AGBL1: variants seen among roughly 807,000 people sequenced by gnomAD.
AGBL1 encodes the protein cytosolic carboxypeptidase 4.
A neutral mutation model predicts 118.9 loss-of-function variants in AGBL1; 130 were observed. The observed-to-expected ratio is 1.09, with a 90% confidence interval of 0.95 to 1.26. AGBL1 has a LOEUF of 1.26. Among genes scored for constraint, AGBL1 ranks in the 50% most tolerant of loss-of-function variants. The pLI, the probability that AGBL1 is intolerant of heterozygous loss-of-function variation, is 0.00. For missense variants in AGBL1, 1,584 were observed against 1,298.1 expected (o/e 1.22, Z -3.38); for synonymous variants, 555 against 478.9 (o/e 1.16, Z -2.08).
At chr15:86,636,595 TTCA>T (rs1328360263) in intron 21 of AGBL1, among the ~76,000 whole-genome samples, 2 of 148,124 alleles carry the variant, frequency 1.4e-5, no homozygotes, top group African/African-American at 4.9e-5. Flanking sequence ...TTAAAACAAA[TTCA>T]TCACATCCTC....
intron 22 of AGBL1, among the ~76,000 whole-genome samples, chr15:86,827,516 T>C (rs1268854923): frequency 5.3e-5 from 4 of 74,986 alleles, no homozygotes; most frequent in African/African-American, 8.5e-5. Context: ...TATATATATA[T>C]ATATAGCCTG....
At chr15:86,892,720 T>C (rs1293897617) in intron 22 of AGBL1, among the ~76,000 whole-genome samples, 2 of 152,142 alleles carry the variant, frequency 1.3e-5, no homozygotes, top group Non-Finnish European at 2.9e-5. Flanking sequence ...CTCTTCTCTA[T>C]ACATAGAAAA....
At chr15:86,878,811 C>T (rs867975487) in intron 22 of AGBL1, among the ~76,000 whole-genome samples, 2 of 152,360 alleles carry the variant, frequency 1.3e-5, no homozygotes, top group Middle Eastern at 6.8e-3. Flanking sequence ...CCTGGTCTTC[C>T]TCCCATAACC....
chr15:86,474,641 C>T (rs1269727746), intron 18 of AGBL1, among the ~76,000 whole-genome samples: 1 of 152,208 alleles, frequency 6.6e-6, no homozygotes, highest in Admixed American at 6.5e-5. Flanking sequence ...TAGGCTCCAC[C>T]TCTGGGGGCA....
rs193196462 is a variant in AGBL1 at position 86,471,839 on chromosome 15, G to C, written c.2556-50971G>C. Among the ~76,000 whole-genome samples the C allele has an allele frequency of 2.4e-3, 362 of 152,298 alleles. 1 individual carries two copies. Among genetic ancestry groups the C allele is most frequent in the African/African-American group, 8.4e-3 (351 of 41,572 alleles). On this transcript the variant is annotated intron_variant, in intron 18 of 22. Transcript: ENST00000614907. The stretch of plus-strand genomic sequence containing the variant: ...CTCCAAAAAGATATTGGCATGTCTT[G>C]ACCATAGGAACCCACGAATATGATC...
chr15:86,466,539 C>A (rs1330660196), intron 18 of AGBL1, among the ~76,000 whole-genome samples: 1 of 152,214 alleles, frequency 6.6e-6, no homozygotes, highest in Admixed American at 6.5e-5. Context: ...CCCTTGCTGG[C>A]AAGGAGTTGT....
chr15:86,354,745 A>T (rs1477000342), intron 17 of AGBL1, among the ~76,000 whole-genome samples: 1 of 152,166 alleles, frequency 6.6e-6, no homozygotes, highest in Non-Finnish European at 1.5e-5. Flanking sequence ...TTTACATAGC[A>T]AAGGAATTTT....
chr15:86,328,150 C>T (rs1311146506), intron 17 of AGBL1, among the ~76,000 whole-genome samples: 4 of 152,164 alleles, frequency 2.6e-5, no homozygotes, highest in Non-Finnish European at 5.9e-5. Flanking sequence ...TCATTTCCTA[C>T]CTGCTTCCCC....
intron 22 of AGBL1, among the ~76,000 whole-genome samples, chr15:86,753,517 C>T (rs556717343): frequency 6.5e-4 from 98 of 150,056 alleles, no homozygotes; most frequent in African/African-American, 2.2e-3. Context: ...CTTGCCTTAG[C>T]TTGCTGAGTT....
intron 22 of AGBL1, among the ~76,000 whole-genome samples, chr15:86,766,393 C>T (rs906735534): frequency 5.9e-5 from 9 of 152,038 alleles, no homozygotes; most frequent in Admixed American, 1.3e-4. Context: ...TATAAAACTA[C>T]TTATGGTATA....
chr15:86,270,749 T>C (rs2079147177), intron 14 of AGBL1, among the ~76,000 whole-genome samples: 1 of 152,226 alleles, frequency 6.6e-6, no homozygotes, highest in African/African-American at 2.4e-5. Flanking sequence ...ACATTTATAT[T>C]CACTTTGTAT....
chr15:86,516,007 G>C (rs1050920455), intron 18 of AGBL1, among the ~76,000 whole-genome samples: 1 of 152,132 alleles, frequency 6.6e-6, no homozygotes, highest in Non-Finnish European at 1.5e-5. Context: ...AAGCGGGGGA[G>C]GGAGCTTCCA....
intron 1 of AGBL1, among the ~76,000 whole-genome samples, chr15:86,113,027 G>T (rs886351223): frequency 1.3e-5 from 2 of 151,936 alleles, no homozygotes; most frequent in Non-Finnish European, 2.9e-5. Flanking sequence ...CCTTCCACTG[G>T]AAAAATGAAG....
chr15:86,830,270 A>G (rs967852832), intron 22 of AGBL1, among the ~76,000 whole-genome samples: 2 of 152,110 alleles, frequency 1.3e-5, no homozygotes, highest in African/African-American at 4.8e-5. Flanking sequence ...GGACTTCAGA[A>G]ATCTTTATGA....
chr15:86,165,412 GTCTTCTGGGCTTTCTCCAACCATCAC>G (rs1398373427), intron 5 of AGBL1, among the ~76,000 whole-genome samples: 1 of 152,078 alleles, frequency 6.6e-6, no homozygotes, highest in Admixed American at 6.6e-5. Flanking sequence ...CCAAAGCCGG[GTCTTCTGGGCTTTCTCCAACCATCAC>G]TCCATTCCAC....
chr15:86,480,101 G>T (rs2082630358), intron 18 of AGBL1, among the ~76,000 whole-genome samples: 1 of 152,126 alleles, frequency 6.6e-6, no homozygotes, highest in Non-Finnish European at 1.5e-5. Flanking sequence ...TGGGGAGAGG[G>T]GGGAGGGATA....
intron 19 of AGBL1, among the ~76,000 whole-genome samples, chr15:86,527,406 A>C (rs900207610): frequency 6.6e-6 from 1 of 152,212 alleles, no homozygotes; most frequent in Non-Finnish European, 1.5e-5. Flanking sequence ...AGCCACAGAC[A>C]TGTTTCCTGC....
chr15:86,935,249 C>T (rs554143025), intron 23 of AGBL1: 1 of 152,116 alleles, frequency 6.6e-6, no homozygotes, highest in African/African-American at 2.4e-5. Flanking sequence ...GAGGGTCGTT[C>T]AGTGTTTTAC....
At chr15:86,354,249 T>A (rs1323315738) in intron 17 of AGBL1, among the ~76,000 whole-genome samples, 3 of 152,236 alleles carry the variant, frequency 2.0e-5, no homozygotes, top group Admixed American at 6.5e-5. Flanking sequence ...TAAGCAGAAA[T>A]TCATTTGATT....
Sources: allele counts gnomAD v4.1 joint callset (sites outside exome capture counted in the v4.1 genomes callset), GRCh38; gene constraint gnomAD v4.1.1; transcripts MANE v1.5; gene names NCBI Gene and HGNC (gene_info 2026-07-23, HGNC 2026-07-21).